The following MACROD2 variants were observed in gnomAD, a reference collection of about 807,000 sequenced individuals.
MACROD2 encodes mono-ADP ribosylhydrolase 2.
In MACROD2, 36 loss-of-function variants were observed where a neutral mutation model predicts 70.4. The observed-to-expected ratio is 0.51, with a 90% confidence interval of 0.39 to 0.68. MACROD2 has a LOEUF of 0.68. Ranked by LOEUF, MACROD2 falls within the 30% of genes least tolerant of loss-of-function variation. The pLI is 0.00. For synonymous variants in MACROD2, 172 were observed against 178.8 expected (o/e 0.96, Z 0.30); for missense variants, 496 against 538.4 (o/e 0.92, Z 0.78).
chr20:14,018,359 G>A lies in MACROD2; in HGVS notation c.163+15955G>A, dbSNP rs142146108. 4.4e-3 allele frequency among the ~76,000 whole-genome samples: 670 copies of A among 151,774 alleles called. 4 individuals are homozygous for A. The highest frequency in any genetic ancestry group is 0.015 in the African/African-American group (638 of 41,354). ...TGTTCTTAAGTTCCTTAGGTGTAAA[G>A]TTACGCTGTTGAAATGAGATCTTCT... On this transcript the variant is annotated intron_variant, in intron 2 of 17. Coordinates refer to ENST00000684519, the MANE Select transcript of MACROD2 (RefSeq NM_001351661.2).
intron 6 of MACROD2, among the ~76,000 whole-genome samples, chr20:15,399,624 A>G (rs1312203951): frequency 6.6e-6 from 1 of 152,244 alleles, no homozygotes; most frequent in East Asian, 1.9e-4. Flanking sequence ...AGCCACCCAA[A>G]TGATGGCACT....
At chr20:15,829,497 TC>T (rs1298115698) in intron 8 of MACROD2, among the ~76,000 whole-genome samples, 1 of 152,124 alleles carries the variant, frequency 6.6e-6, no homozygotes, top group Non-Finnish European at 1.5e-5. Flanking sequence ...ACAACTGTGA[TC>T]TCCTGGTCCC....
At chr20:15,905,680 T>A (rs1205356733) in intron 10 of MACROD2, among the ~76,000 whole-genome samples, 2 of 152,212 alleles carry the variant, frequency 1.3e-5, no homozygotes, top group African/African-American at 4.8e-5. Context: ...TTGAACAGTG[T>A]TGAATTTTCA....
At chr20:15,315,382 C>T (rs2077798433) in intron 6 of MACROD2, among the ~76,000 whole-genome samples, 1 of 152,124 alleles carries the variant, frequency 6.6e-6, no homozygotes, top group Non-Finnish European at 1.5e-5. Flanking sequence ...CAAAGAGACT[C>T]ACGGTGAGAC....
intron 6 of MACROD2, among the ~76,000 whole-genome samples, chr20:15,406,290 T>A (rs550562825): frequency 6.6e-6 from 1 of 152,306 alleles, no homozygotes; most frequent in South Asian, 2.1e-4. Context: ...GGCTGTTAGG[T>A]CATGTCCAGT....
intron 15 of MACROD2, among the ~76,000 whole-genome samples, chr20:16,004,202 T>C (rs1046797465): frequency 8.5e-5 from 13 of 152,188 alleles, no homozygotes; most frequent in African/African-American, 3.1e-4. Flanking sequence ...ACCCACAGTA[T>C]GTCGGAGATC....
chr20:14,994,063 G>C (rs1274202364), intron 5 of MACROD2, among the ~76,000 whole-genome samples: 1 of 152,126 alleles, frequency 6.6e-6, no homozygotes, highest in African/African-American at 2.4e-5. Flanking sequence ...AGACATCCAA[G>C]AGTTTTAGGA....
intron 3 of MACROD2, among the ~76,000 whole-genome samples, chr20:14,164,891 C>T (rs2055244771): frequency 6.6e-6 from 1 of 152,140 alleles, no homozygotes; most frequent in Admixed American, 6.5e-5. Context: ...TTTGCTCATG[C>T]TTTGGCCTTG....
chr20:15,707,481 G>A (rs2050552777), intron 8 of MACROD2, among the ~76,000 whole-genome samples: 1 of 152,144 alleles, frequency 6.6e-6, no homozygotes, highest in Non-Finnish European at 1.5e-5. Context: ...GAAAGGGAAA[G>A]ATATCAAAAC....
rs930477791 is a variant in MACROD2 at position 14,247,681 on chromosome 20, A to G, written c.271+161953A>G. 5.9e-5 allele frequency among the ~76,000 whole-genome samples: 9 copies of G among 152,336 alleles called. No homozygotes were observed. In the South Asian group the frequency reaches 1.9e-3, roughly 32 times the overall value. ...TTTTAACACTGCAGAAGAAGTGCCT[A>G]TAAGTGACATGGTGAAAATGTGTGA... On this transcript the variant is annotated intron_variant, in intron 3 of 17. Transcript: ENST00000684519.
At chr20:14,902,506 C>T (rs1215622324) in intron 5 of MACROD2, among the ~76,000 whole-genome samples, 3 of 152,154 alleles carry the variant, frequency 2.0e-5, no homozygotes, top group African/African-American at 7.2e-5. Context: ...CATTTACCCT[C>T]CCCATACCAC....
chr20:15,625,307 G>A (rs1247619140), intron 8 of MACROD2, among the ~76,000 whole-genome samples: 2 of 152,210 alleles, frequency 1.3e-5, no homozygotes, highest in Non-Finnish European at 2.9e-5. Context: ...CCCAGGACAT[G>A]TGGACTGTGG....
At chr20:14,151,811 CTTTTTTTTTTTTTT>C (rs144065987) in intron 3 of MACROD2, among the ~76,000 whole-genome samples, 1 of 59,190 alleles carries the variant, frequency 1.7e-5, no homozygotes, top group Non-Finnish European at 3.0e-5. Flanking sequence ...TGTATTGTAT[CTTTTTTTTTTTTTT>C]TTTTTTTTTT....
At chr20:14,851,633 C>T (rs535156210) in intron 5 of MACROD2, among the ~76,000 whole-genome samples, 4 of 152,006 alleles carry the variant, frequency 2.6e-5, no homozygotes, top group Non-Finnish European at 5.9e-5. Context: ...AAAATGATTG[C>T]CCTTAATTAA....
At chr20:14,687,853 G>A (rs912105953) in intron 5 of MACROD2, among the ~76,000 whole-genome samples, 15 of 152,014 alleles carry the variant, frequency 9.9e-5, no homozygotes, top group African/African-American at 3.1e-4. Context: ...AAAGCATAAA[G>A]GAAAGCAAGG....
intron 3 of MACROD2, among the ~76,000 whole-genome samples, chr20:14,139,710 A>G (rs1321215966): frequency 6.6e-6 from 1 of 152,208 alleles, no homozygotes; most frequent in Non-Finnish European, 1.5e-5. Context: ...AATATTTTGT[A>G]ACAGTTTTCA....
At chr20:15,557,434 C>A (rs1236151002) in intron 8 of MACROD2, among the ~76,000 whole-genome samples, 1 of 152,074 alleles carries the variant, frequency 6.6e-6, no homozygotes, top group East Asian at 1.9e-4. Context: ...AAAAGGGGTA[C>A]CCCACAAGAA....
rs1002429865 is a variant in MACROD2, at chr20:15,164,568, A to G, written c.419-65372A>G. Among the ~76,000 whole-genome samples the G allele has an allele frequency of 2.6e-5, 4 of 152,186 alleles. No individual in the cohort carries two copies. In the South Asian group the frequency reaches 8.3e-4, roughly 31 times the overall value. On this transcript the variant is annotated intron_variant, in intron 5 of 17. Transcript: ENST00000684519. ...TTTTACATGCTATATTAGAAAAAAT[A>G]AAGATTGAATATTAATGAGGTGTAA... is the stretch of plus-strand genomic sequence containing the variant.
intron 8 of MACROD2, among the ~76,000 whole-genome samples, chr20:15,800,642 G>C (rs2063715894): frequency 6.6e-6 from 1 of 152,116 alleles, no homozygotes; most frequent in African/African-American, 2.4e-5. Context: ...CCCCTACTGG[G>C]AAGCGAGGAG....
Sources: allele counts gnomAD v4.1 joint callset (sites outside exome capture counted in the v4.1 genomes callset), GRCh38; gene constraint gnomAD v4.1.1; transcripts MANE v1.5; gene names NCBI Gene and HGNC (gene_info 2026-07-23, HGNC 2026-07-21).